The following CNTNAP3B variants were observed in gnomAD, a reference collection of about 807,000 sequenced individuals.
CNTNAP3B encodes contactin-associated protein-like 3B.
A neutral mutation model predicts 108.9 loss-of-function variants in CNTNAP3B; 25 were observed. The ratio of observed to expected loss-of-function variants is 0.23; its 90% CI spans 0.17 to 0.32. The LOEUF is 0.32. Ranked by LOEUF, CNTNAP3B falls within the 10% of genes least tolerant of loss-of-function variation. The pLI is 1.00. For missense variants in CNTNAP3B, 252 were observed against 1,210.4 expected, an observed-to-expected ratio of 0.21 and a Z score of 11.75; for synonymous variants, 103 against 473.4, an observed-to-expected ratio of 0.22 and a Z score of 10.16.
intron 10 of CNTNAP3B, among the ~76,000 whole-genome samples, chr9:41,968,103 C>T (rs1825335545): frequency 1.3e-5 from 2 of 152,210 alleles, no homozygotes; most frequent in African/African-American, 4.8e-5. Context: ...ATGCACAAAG[C>T]AGGCAAAATG....
At position 41,994,578 on chromosome 9, in the gene CNTNAP3B, G is replaced by T. The variant is rs537073049; in HGVS notation, c.1071+1627C>A. On this transcript the variant is annotated intron_variant, in intron 7 of 23. Transcript: ENST00000377561. The stretch of plus-strand genomic sequence containing the variant: ...ATTTTTCATTTTTATGATCTCAGCA[G>T]GGTGCTGTTCATAGTAAAACTTAGA... 4.1e-3 allele frequency: 1,572 copies of T among 386,146 alleles called. 309 individuals are homozygous for T. The African/African-American group carries it at 0.061, about 15-fold the overall frequency. 23.9% of individuals were successfully genotyped at this position (386,146 alleles called of 1,614,324 possible).
intron 1 of CNTNAP3B, among the ~76,000 whole-genome samples, chr9:42,116,910 G>C (rs1218748809): frequency 7.2e-6 from 1 of 138,144 alleles, no homozygotes; most frequent in Non-Finnish European, 1.5e-5. Context: ...AACCAACAAA[G>C]ATCAAAAGAG....
intron 13 of CNTNAP3B, among the ~76,000 whole-genome samples, chr9:41,940,404 A>G (rs1824300592): frequency 6.6e-6 from 1 of 152,424 alleles, no homozygotes; most frequent in Admixed American, 6.5e-5. Flanking sequence ...ATAGTAGATT[A>G]CTCATCTGAA....
intron 3 of CNTNAP3B, among the ~76,000 whole-genome samples, chr9:42,053,654 G>A (rs1287873617): frequency 1.4e-5 from 2 of 141,850 alleles, no homozygotes; most frequent in Non-Finnish European, 3.1e-5. Flanking sequence ...ACAAACGTTT[G>A]GGGGTGATAC....
chr9:41,953,487 T>A (rs1385339686), intron 12 of CNTNAP3B, 101 bp from the exon 13 acceptor site: 2 of 1,396,198 alleles, frequency 1.4e-6, no homozygotes, highest in Non-Finnish European at 2.0e-6. Context: ...AATTGAAATT[T>A]ACATTACTGC....
chr9:41,944,054 A>T (rs1824449575), intron 13 of CNTNAP3B, among the ~76,000 whole-genome samples: 1 of 151,696 alleles, frequency 6.6e-6, no homozygotes, highest in Non-Finnish European at 1.5e-5. Flanking sequence ...TAAACTGTTG[A>T]GAGAAAACAC....
At position 41,920,126 on chromosome 9, in the gene CNTNAP3B, CT is replaced by C. The variant is rs1335874011; in HGVS notation, c.2938del (p.Arg980GlyfsTer31). On this transcript the variant is annotated frameshift_variant, in exon 18 of 24. Coordinates refer to ENST00000377561, the MANE Select transcript of CNTNAP3B (RefSeq NM_001201380.3). LOFTEE classifies it high-confidence loss of function. ...RNGGRCREKRRGVTCDCAFSA... is the reference protein window; with the variant it reads ...RNGGRCREKRXGVTCDCAFSA... ...GAAGGCACAGTCACAGGTGACCCCC[CT>C]GCGTTTCTCTCTGCATCTCCCTCCA... 346 of 1,533,818 alleles carry C rather than the reference CT, an allele frequency of 2.3e-4. No homozygotes were observed. In the African/African-American group the frequency reaches 3.9e-3, roughly 17 times the overall value.
intron 13 of CNTNAP3B, among the ~76,000 whole-genome samples, chr9:41,939,869 G>A (rs1404823028): frequency 6.6e-6 from 1 of 152,036 alleles, no homozygotes; most frequent in African/African-American, 2.4e-5. Flanking sequence ...TTTCCACCAA[G>A]TATAATGATA....
At chr9:41,925,459 G>A (rs1823789970) in intron 15 of CNTNAP3B, among the ~76,000 whole-genome samples, 1 of 152,190 alleles carries the variant, frequency 6.6e-6, no homozygotes, top group African/African-American at 2.4e-5. Flanking sequence ...CAGGCATGGT[G>A]GTGGGTGCCT....
rs1827702639 is a variant in CNTNAP3B at position 42,086,303 on chromosome 9, A to G, written c.197-9241T>C. On this transcript the variant is annotated intron_variant, in intron 2 of 23. Transcript: ENST00000377561. ...CCTCCCACAACACCTAGGAATTATG[A>G]GAGCTACAATTCAAGATGAGATCTG... 2.2e-5 allele frequency among the ~76,000 whole-genome samples: 3 copies of G among 139,450 alleles called. No individual in the cohort carries two copies. In the South Asian group the frequency reaches 6.9e-4, roughly 32 times the overall value. The allele number at this position is 139,450 out of a possible 152,430, so 91.5% of individuals were successfully genotyped here.
At chr9:42,049,275 C>T (rs1427262094) in intron 3 of CNTNAP3B, among the ~76,000 whole-genome samples, 1 of 139,012 alleles carries the variant, frequency 7.2e-6, no homozygotes, top group East Asian at 2.2e-4. Context: ...TAGATATTCC[C>T]AGATCTCTCA....
chr9:41,972,908 G>T (rs1472183043), intron 9 of CNTNAP3B, among the ~76,000 whole-genome samples: 2 of 126,870 alleles, frequency 1.6e-5, no homozygotes, highest in East Asian at 2.5e-4. Flanking sequence ...TCACCATGTG[G>T]TGTTTCCTGA....
At chr9:41,980,766 A>G (rs1288995150) in intron 9 of CNTNAP3B, 2 of 142,768 alleles carry the variant, frequency 1.4e-5, no homozygotes, top group African/African-American at 5.5e-5. Context: ...GCCACCTATG[A>G]CAAACCCACA....
In CNTNAP3B at chr9:41,996,384, G is replaced by A. The variant is rs751461698; in HGVS notation, c.928-36C>T. The A allele has an allele frequency of 5.9e-6, 8 of 1,358,684 alleles. 2 individuals are homozygous for A. The Admixed American group carries it at 1.4e-4, about 23-fold the overall frequency. The allele number at this position is 1,358,684 out of a possible 1,614,324, so 84.2% of individuals were successfully genotyped here. ...AAAATGACATAAATAACATTGTTTA[G>A]TGATTTTCTGATGGTACGTGTTTAA... On this transcript the variant is annotated intron_variant, in intron 6 of 23. Transcript: ENST00000377561.
At chr9:42,087,775 G>T (rs1257307796) in intron 2 of CNTNAP3B, among the ~76,000 whole-genome samples, 1 of 138,378 alleles carries the variant, frequency 7.2e-6, no homozygotes, top group Non-Finnish European at 1.5e-5. Flanking sequence ...CATTGGCAAT[G>T]GGAGTATAAC....
At position 42,049,434 on chromosome 9, in the gene CNTNAP3B, C is replaced by G. The variant is rs1236900396; in HGVS notation, c.390+27435G>C. On this transcript the variant is annotated intron_variant, in intron 3 of 23. Transcript: ENST00000377561. The stretch of plus-strand genomic sequence containing the variant: ...GCCAATTTGTTAGCATTTATGTAGC[C>G]AAATCCTCAATGTCGGCATACCTGC... Among the ~76,000 whole-genome samples the G allele has an allele frequency of 1.0e-4, 14 of 133,410 alleles. 2 individuals carry two copies. Among genetic ancestry groups the G allele is most frequent in the Non-Finnish European group, 2.2e-4 (14 of 63,118 alleles). The allele number at this position is 133,410 out of a possible 152,430, so 87.5% of individuals were successfully genotyped here. A position where few individuals can be genotyped will look rare whatever the true frequency, so the allele number is the denominator to read the frequency against.
At chr9:42,070,639 A>T (rs1827353819) in intron 3 of CNTNAP3B, among the ~76,000 whole-genome samples, 1 of 151,864 alleles carries the variant, frequency 6.6e-6, no homozygotes, top group South Asian at 2.1e-4. Flanking sequence ...TCTCTGTGCT[A>T]ACTGCAGTGT....
At chr9:42,108,206 G>A (rs1828120487) in intron 1 of CNTNAP3B, among the ~76,000 whole-genome samples, 1 of 134,278 alleles carries the variant, frequency 7.4e-6, no homozygotes, top group South Asian at 2.4e-4. Context: ...TGGAAATCTG[G>A]TTAAGATTCA....
intron 13 of CNTNAP3B, among the ~76,000 whole-genome samples, chr9:41,941,294 G>A (rs1180889036): frequency 1.4e-5 from 2 of 146,702 alleles, no homozygotes; most frequent in African/African-American, 2.5e-5. Flanking sequence ...ATAACACAAC[G>A]AGAAATTTAT....
Sources: gnomAD v4.1 joint callset for allele counts (sites outside exome capture counted in the v4.1 genomes callset) on GRCh38, gnomAD v4.1.1 for gene constraint, MANE v1.5 for transcripts, NCBI Gene and HGNC (gene_info 2026-07-23, HGNC 2026-07-21) for gene names.